The following SRGAP3 variants were observed in gnomAD, a reference collection of about 807,000 sequenced individuals.
SRGAP3 encodes SLIT-ROBO Rho GTPase-activating protein 3.
Under a neutral mutation model 121.1 loss-of-function variants are expected in SRGAP3, and 39 were observed. The observed-to-expected ratio is 0.32, with a 90% CI of 0.25 to 0.42. The LOEUF is 0.42. Among genes scored for constraint, SRGAP3 ranks in the 10% least tolerant of loss-of-function variants. The probability of loss-of-function intolerance (pLI) is 1.00; values close to 1 mark genes in which losing one functional copy is unlikely to be tolerated. For missense variants in SRGAP3, 1,213 were observed against 1,470.6 expected (o/e 0.82, Z 2.86); for synonymous variants, 601 against 570.0 (o/e 1.05, Z -0.77).
chr3:9,189,982 T>C (rs937342111), intron 1 of SRGAP3, among the ~76,000 whole-genome samples: 4 of 152,264 alleles, frequency 2.6e-5, no homozygotes, highest in Non-Finnish European at 4.4e-5. Flanking sequence ...GTGCTTTTCA[T>C]GTATATTCGC....
chr3:9,001,315 A>G (rs1233478929), intron 18 of SRGAP3, among the ~76,000 whole-genome samples: 1 of 152,250 alleles, frequency 6.6e-6, no homozygotes, highest in Non-Finnish European at 1.5e-5. Context: ...ATCATTACAC[A>G]ACGTATGCAT....
chr3:9,126,210 C>T (rs561032860), intron 1 of SRGAP3, among the ~76,000 whole-genome samples: 1 of 152,350 alleles, frequency 6.6e-6, no homozygotes, highest in African/African-American at 2.4e-5. Flanking sequence ...TCCTACCTCC[C>T]CTCCTCACAA....
chr3:9,341,479 G>C (rs1351959865), intron 1 of SRGAP3, among the ~76,000 whole-genome samples: 1 of 152,198 alleles, frequency 6.6e-6, no homozygotes, highest in Non-Finnish European at 1.5e-5. Context: ...ATATTTCCCA[G>C]CTGCTTACAG....
intron 3 of SRGAP3, among the ~76,000 whole-genome samples, chr3:9,311,968 T>G (rs1365854845): frequency 6.6e-6 from 1 of 152,232 alleles, no homozygotes; most frequent in Non-Finnish European, 1.5e-5. Flanking sequence ...ATGCATCCAC[T>G]TGCCAATGCA....
intron 1 of SRGAP3, among the ~76,000 whole-genome samples, chr3:9,353,584 T>C (rs776771835): frequency 2.2e-4 from 34 of 152,372 alleles, no homozygotes; most frequent in Admixed American, 3.3e-4. Flanking sequence ...AGCGGTTTTA[T>C]AGCCCTTGGC....
rs764680440 is a variant in SRGAP3 at position 9,123,397 on chromosome 3, A to AT, written c.260+1327_260+1328insA. Among the ~76,000 whole-genome samples, 497 of 89,190 alleles carry AT rather than the reference A, an allele frequency of 5.6e-3. 3 individuals are homozygous for AT. Among genetic ancestry groups the AT allele is most frequent in the African/African-American group, 0.018 (470 of 26,368 alleles). 58.5% of individuals were successfully genotyped at this position (89,190 alleles called of 152,430 possible). ...AATATATATATATATATACATACAC[A>AT]ATACACATACATACACATACATGGA... is the stretch of plus-strand genomic sequence containing the variant. On this transcript the variant is annotated intron_variant, in intron 2 of 21. Coordinates refer to ENST00000383836, the MANE Select transcript of SRGAP3 (RefSeq NM_014850.4).
intron 1 of SRGAP3, among the ~76,000 whole-genome samples, chr3:9,166,454 C>T (rs1228235387): frequency 6.6e-6 from 1 of 152,126 alleles, no homozygotes; most frequent in Non-Finnish European, 1.5e-5. Context: ...TCCCAGCTTC[C>T]CTTGCAACTA....
intron 10 of SRGAP3, among the ~76,000 whole-genome samples, chr3:9,043,387 T>A (rs1413174861): frequency 6.6e-6 from 1 of 152,330 alleles, no homozygotes; most frequent in South Asian, 2.1e-4. Flanking sequence ...GCAGGGACCT[T>A]ACCTTTCTCG....
intron 1 of SRGAP3, among the ~76,000 whole-genome samples, chr3:9,224,432 A>G (rs1952919301): frequency 6.6e-6 from 1 of 152,232 alleles, no homozygotes; most frequent in African/African-American, 2.4e-5. Context: ...CTGTTCAGGC[A>G]GGTCAGAGGG....
chr3:9,356,200 T>C (rs1263541096), intron 1 of SRGAP3, among the ~76,000 whole-genome samples: 8 of 143,592 alleles, frequency 5.6e-5, no homozygotes, highest in Admixed American at 1.4e-4. Flanking sequence ...TTCTTTTTTT[T>C]TTTTTTTTTT....
chr3:9,242,633 TAAACAAAACA>T (rs757204852), intron 1 of SRGAP3, among the ~76,000 whole-genome samples: 9 of 152,330 alleles, frequency 5.9e-5, no homozygotes, highest in East Asian at 3.9e-4. Flanking sequence ...AGACTCCATC[TAAACAAAACA>T]AAACAAAACA....
At chr3:9,099,956 C>G (rs1362063346) in intron 3 of SRGAP3, among the ~76,000 whole-genome samples, 2 of 152,236 alleles carry the variant, frequency 1.3e-5, no homozygotes, top group Non-Finnish European at 2.9e-5. Context: ...GTGGCAGAGA[C>G]AGCGTGCCTA....
At chr3:9,338,921 G>C (rs968386459) in intron 1 of SRGAP3, among the ~76,000 whole-genome samples, 1 of 152,184 alleles carries the variant, frequency 6.6e-6, no homozygotes, top group Non-Finnish European at 1.5e-5. Flanking sequence ...TCCATACACA[G>C]TAGGTTTTAG....
intron 1 of SRGAP3, among the ~76,000 whole-genome samples, chr3:9,147,558 G>T (rs148677606): frequency 6.6e-6 from 1 of 152,184 alleles, no homozygotes; most frequent in African/African-American, 2.4e-5. Flanking sequence ...ACCTCAGCTT[G>T]TCACTCATCA....
upstream of SRGAP3, among the ~76,000 whole-genome samples, chr3:9,253,587 A>AT (rs1954063802): frequency 3.9e-5 from 6 of 152,156 alleles, no homozygotes; most frequent in Admixed American, 3.9e-4. Flanking sequence ...CCTCGCCGAG[A>AT]TGACTAATTT....
chr3:9,347,866 T>A (rs1381632921), intron 1 of SRGAP3, among the ~76,000 whole-genome samples: 3 of 152,224 alleles, frequency 2.0e-5, no homozygotes, highest in Non-Finnish European at 2.9e-5. Context: ...AAAGAACTGA[T>A]CTACTGAGTA....
intron 3 of SRGAP3, among the ~76,000 whole-genome samples, chr3:9,278,251 C>T (rs1954618318): frequency 6.6e-6 from 1 of 152,176 alleles, no homozygotes; most frequent in Non-Finnish European, 1.5e-5. Flanking sequence ...GTCAGGCCTC[C>T]TCCAAAAGCA....
chr3:9,164,469 T>G (rs1236080319), intron 1 of SRGAP3, among the ~76,000 whole-genome samples: 1 of 152,004 alleles, frequency 6.6e-6, no homozygotes, highest in African/African-American at 2.4e-5. Context: ...TTTGTACTTT[T>G]GGGAGAGACA....
intron 1 of SRGAP3, among the ~76,000 whole-genome samples, chr3:9,341,055 A>G (rs983876687): frequency 3.9e-5 from 6 of 152,206 alleles, no homozygotes; most frequent in African/African-American, 2.4e-5. Flanking sequence ...ACAGATTGAG[A>G]CAGAAAGAGA....
Sources: gnomAD v4.1 joint callset for allele counts (sites outside exome capture counted in the v4.1 genomes callset) on GRCh38, gnomAD v4.1.1 for gene constraint, MANE v1.5 for transcripts, NCBI Gene and HGNC (gene_info 2026-07-23, HGNC 2026-07-21) for gene names.